The following TASP1 variants were observed in gnomAD, a reference collection of about 807,000 sequenced individuals.
The protein encoded by TASP1 is threonine aspartase 1.
Under a neutral mutation model 56.6 loss-of-function variants are expected in TASP1, and 16 were observed. The ratio of observed to expected loss-of-function variants is 0.28; its 90% CI spans 0.19 to 0.43. TASP1 has a LOEUF of 0.43. Ranked by LOEUF, TASP1 falls within the 20% of genes least tolerant of loss-of-function variation. The pLI, the probability that TASP1 is intolerant of heterozygous loss-of-function variation, is 1.00. For synonymous variants in TASP1, 179 were observed against 184.2 expected (o/e 0.97, Z 0.23); for missense variants, 393 against 511.6 (o/e 0.77, Z 2.24).
chr20:13,272,281 G>A, the TASP1 span, among the ~76,000 whole-genome samples: 15 of 152,164 alleles, frequency 9.9e-5, no homozygotes, highest in Non-Finnish European at 1.9e-4. Context: ...ATCAGGTTTC[G>A]TTGACCTGAG....
the TASP1 span, among the ~76,000 whole-genome samples, chr20:13,358,213 C>G: frequency 6.6e-6 from 1 of 152,334 alleles, no homozygotes; most frequent in East Asian, 1.9e-4. Flanking sequence ...CGGCCCCACC[C>G]TTATCTCCCT....
intron 11 of TASP1, among the ~76,000 whole-genome samples, chr20:13,439,830 A>C (rs760441985): frequency 1.1e-4 from 17 of 152,140 alleles, no homozygotes; most frequent in Non-Finnish European, 2.4e-4. Context: ...GAATAACAGG[A>C]GTTTTAGAAA....
chr20:13,254,883 C>T, the TASP1 span, among the ~76,000 whole-genome samples: 3 of 152,216 alleles, frequency 2.0e-5, no homozygotes, highest in African/African-American at 7.2e-5. Context: ...TCCTGTTTGT[C>T]ATTCCTTCCT....
chr20:13,184,935 G>A, the TASP1 span, among the ~76,000 whole-genome samples: 1 of 151,818 alleles, frequency 6.6e-6, no homozygotes. Flanking sequence ...CAACACATAG[G>A]AAGATCTATA....
At chr20:13,140,468 G>A in the TASP1 span, among the ~76,000 whole-genome samples, 1 of 152,144 alleles carries the variant, frequency 6.6e-6, no homozygotes, top group Non-Finnish European at 1.5e-5. Flanking sequence ...CTGAGCCCAG[G>A]TAGAGAAATA....
chr20:13,130,111 T>A, the TASP1 span, among the ~76,000 whole-genome samples: 1 of 152,230 alleles, frequency 6.6e-6, no homozygotes, highest in African/African-American at 2.4e-5. Context: ...GCCTGACACA[T>A]CTTTTGAAGC....
intron 10 of TASP1, among the ~76,000 whole-genome samples, chr20:13,488,056 G>GGA (rs2043391102): frequency 6.6e-6 from 1 of 151,956 alleles, no homozygotes; most frequent in African/African-American, 2.4e-5. Flanking sequence ...AAGAAAATGA[G>GGA]GAGTTAAGAG....
chr20:13,172,110 C>T, the TASP1 span, among the ~76,000 whole-genome samples: 1 of 151,898 alleles, frequency 6.6e-6, no homozygotes, highest in African/African-American at 2.4e-5. Context: ...ACAGGAGGAA[C>T]AATATCCATC....
chr20:13,455,549 C>T (rs2043800926), intron 11 of TASP1, among the ~76,000 whole-genome samples: 1 of 152,056 alleles, frequency 6.6e-6, no homozygotes, highest in Admixed American at 6.6e-5. Flanking sequence ...ATCACTGATG[C>T]TTTATGAAAA....
intron 4 of TASP1, among the ~76,000 whole-genome samples, chr20:13,621,261 T>C (rs554812087): frequency 1.3e-5 from 2 of 151,402 alleles, no homozygotes; most frequent in Non-Finnish European, 2.9e-5. Context: ...CTGTCTCTAC[T>C]TAAAAAAAAA....
the TASP1 span, among the ~76,000 whole-genome samples, chr20:13,127,013 C>T: frequency 6.6e-6 from 1 of 152,232 alleles, no homozygotes. Context: ...CGCACGTGAG[C>T]GTGCACATGT....
the TASP1 span, among the ~76,000 whole-genome samples, chr20:13,223,135 C>T: frequency 2.7e-5 from 4 of 148,300 alleles, no homozygotes; most frequent in Non-Finnish European, 4.4e-5. Context: ...CCAGCCTGGG[C>T]GACAGAGCGA....
At chr20:13,602,002 G>A (rs1042892698) in intron 4 of TASP1, among the ~76,000 whole-genome samples, 4 of 149,154 alleles carry the variant, frequency 2.7e-5, no homozygotes, top group South Asian at 4.3e-4. Context: ...TCAGCCTCCC[G>A]AGTAGCTGGG....
At chr20:13,109,078 CA>C in the TASP1 span, among the ~76,000 whole-genome samples, 1 of 152,080 alleles carries the variant, frequency 6.6e-6, no homozygotes, top group Non-Finnish European at 1.5e-5. Flanking sequence ...ATGTTAAAAA[CA>C]AAATAATACA....
At chr20:13,331,491 T>C in the TASP1 span, among the ~76,000 whole-genome samples, 1 of 152,160 alleles carries the variant, frequency 6.6e-6, no homozygotes, top group East Asian at 1.9e-4. Context: ...AACAATTCTA[T>C]ACTGAAGCAC....
At chr20:13,530,121 C>G (rs574924922) in intron 9 of TASP1, among the ~76,000 whole-genome samples, 15 of 152,288 alleles carry the variant, frequency 9.8e-5, no homozygotes, top group African/African-American at 3.6e-4. Context: ...CCCCAAGACT[C>G]TGCGATGCAC....
chr20:13,387,183 CATTTTTTTTTT>C (rs1229911602), downstream of TASP1, among the ~76,000 whole-genome samples: 1 of 94,950 alleles, frequency 1.1e-5, no homozygotes, highest in African/African-American at 5.1e-5. Flanking sequence ...GACATGATTT[CATTTTTTTTTT>C]TTTTTTTTTT....
the TASP1 span, among the ~76,000 whole-genome samples, chr20:13,119,159 C>T: frequency 2.0e-5 from 3 of 152,188 alleles, no homozygotes; most frequent in Non-Finnish European, 2.9e-5. Context: ...GCTCTGTGAG[C>T]TTGTGGTTTT....
the TASP1 span, among the ~76,000 whole-genome samples, chr20:13,243,304 T>A: frequency 6.6e-6 from 1 of 152,196 alleles, no homozygotes; most frequent in Non-Finnish European, 1.5e-5. Context: ...ATGGAGGCCC[T>A]GATGTCTTCT....
Sources: gnomAD v4.1 joint callset for allele counts (sites outside exome capture counted in the v4.1 genomes callset) on GRCh38, gnomAD v4.1.1 for gene constraint, MANE v1.5 for transcripts, NCBI Gene and HGNC (gene_info 2026-07-23, HGNC 2026-07-21) for gene names.